Variants in AHDC1 observed in about 807,000 individuals in gnomAD.
AHDC1 encodes the protein transcription factor Gibbin.
Under a neutral mutation model 87.9 loss-of-function variants are expected in AHDC1, and 7 were observed. The ratio of observed to expected loss-of-function variants is 0.08; its 90% CI spans 0.05 to 0.15. The LOEUF is 0.15. AHDC1 is among the 10% of genes least tolerant of loss of function. The pLI, the probability that AHDC1 is intolerant of heterozygous loss-of-function variation, is 1.00. For synonymous variants in AHDC1, 1,051 were observed against 1,006.8 expected (o/e 1.04, Z -0.83); for missense variants, 1,841 against 2,253.2 (o/e 0.82, Z 3.70).
Position 27,547,310 on chromosome 1 carries a change from G to C in AHDC1, c.4806C>G (p.Ser1602=), listed in dbSNP as rs141859369. 1.3e-6 allele frequency: 2 copies of C among 1,540,746 alleles called. No individual in the cohort carries two copies. The highest frequency in any genetic ancestry group is 2.8e-5 in the African/African-American group (2 of 72,306). ...PHPEDTFTVT[S]L is the part of the protein sequence containing the mutation. ...GTCGGCACTTCAGTTGGCACTACAGGGATGTGACGGTGAATGTGTCCTCGG... is the reference window on the plus strand; with the variant it reads ...GTCGGCACTTCAGTTGGCACTACAGCGATGTGACGGTGAATGTGTCCTCGG... Residue 1602 remains serine (S), a synonymous_variant, in exon 8 of 9, where the codon TCC becomes TCG. Transcript: ENST00000673934. This position sits in a 1 kb window ranked among gnomAD's most constrained non-coding sequence, Gnocchi z 4.9.
chr1:27,592,894 C>T (rs929111598), intron 3 of AHDC1, among the ~76,000 whole-genome samples: 6 of 151,038 alleles, frequency 4.0e-5, no homozygotes, highest in Non-Finnish European at 7.4e-5. Context: ...AGGCTTGGGC[C>T]CCTGGCCCAA....
chr1:27,555,780 G>A (rs2019790180), intron 5 of AHDC1, among the ~76,000 whole-genome samples: 1 of 152,022 alleles, frequency 6.6e-6, no homozygotes, highest in African/African-American at 2.4e-5. Context: ...CTCCCAGCTG[G>A]GGCCTGAGGG....
chr1:27,534,609 G>A lies in AHDC1; in HGVS notation c.*351C>T, dbSNP rs1207431175. 1 of 151,016 alleles carries A rather than the reference G, an allele frequency of 6.6e-6. No homozygotes were observed. The highest frequency in any genetic ancestry group is 6.6e-5 in the Admixed American group (1 of 15,160). 9.4% of individuals were successfully genotyped at this position (151,016 alleles called of 1,614,324 possible). ...CTTGCAGGGGCTCTGGACACCTCGG[G>A]GCCCCGCTCGCAACCTCTTGCACAC... On this transcript the variant is annotated 3_prime_UTR_variant, in exon 9 of 9. Coordinates refer to ENST00000673934, the MANE Select transcript of AHDC1 (RefSeq NM_001371928.1).
chr1:27,595,121 C>A lies in AHDC1; in HGVS notation c.-629+8276G>T, dbSNP rs530358368. 6.6e-6 allele frequency among the ~76,000 whole-genome samples: 1 copy of A among 151,988 alleles called. No individual in the cohort carries two copies. The highest frequency in any genetic ancestry group is 1.5e-5 in the Non-Finnish European group (1 of 68,008). ...TGATCTGTTAGAGATATACTAGAAC[C>A]GAAGCCATGTCTGTGTGTTTGAGGC... On this transcript the variant is annotated intron_variant, in intron 3 of 8. Coordinates refer to ENST00000673934, the MANE Select transcript of AHDC1 (RefSeq NM_001371928.1). The surrounding 1 kb of genome is among the most constrained non-coding windows in gnomAD (Gnocchi z 4.0).
chr1:27,577,525 T>G (rs1184528200), intron 3 of AHDC1, among the ~76,000 whole-genome samples: 1 of 150,150 alleles, frequency 6.7e-6, no homozygotes, highest in South Asian at 2.1e-4. Context: ...CATCTGGGGG[T>G]GAGGGGAGAT....
Position 27,550,546 on chromosome 1 carries a change from T to C in AHDC1, c.1570A>G (p.Lys524Glu). 6.2e-7 allele frequency: 1 copy of C among 1,612,684 alleles called. No individual in the cohort carries two copies. Among genetic ancestry groups the C allele is most frequent in the Non-Finnish European group, 8.5e-7 (1 of 1,179,146 alleles). ...SAEPTPLLKM[K>E]NNGRNVVVVF... ...ACTACCACGTTCCGCCCATTGTTCTTCATCTTCAGCAGCGGGGTGGGCTCA... is the reference window on the plus strand; with the variant it reads ...ACTACCACGTTCCGCCCATTGTTCTCCATCTTCAGCAGCGGGGTGGGCTCA... The change falls in exon 8 of 9, where the codon AAG (lysine) becomes GAG (glutamate). Residue 524 changes from lysine (K) to glutamate (E), a missense_variant. Transcript: ENST00000673934.
At chr1:27,581,392 T>C (rs1347884501) in intron 3 of AHDC1, among the ~76,000 whole-genome samples, 1 of 150,482 alleles carries the variant, frequency 6.6e-6, no homozygotes, top group African/African-American at 2.5e-5. Context: ...CATCATCTTC[T>C]CAAAATGGGT....
chr1:27,568,129 G>A (rs1002209674), intron 3 of AHDC1: 1 of 152,232 alleles, frequency 6.6e-6, no homozygotes, highest in Admixed American at 6.5e-5. Flanking sequence ...GGTGAGAAGG[G>A]CCCGATAGTA....
intron 8 of AHDC1, among the ~76,000 whole-genome samples, chr1:27,541,381 C>T (rs995705795): frequency 5.4e-5 from 8 of 149,426 alleles, no homozygotes; most frequent in South Asian, 2.1e-4. Flanking sequence ...TGCAGTGGTA[C>T]GATCGTAGTT....
intron 8 of AHDC1, among the ~76,000 whole-genome samples, chr1:27,544,696 C>G (rs2019086031): frequency 6.6e-6 from 1 of 152,202 alleles, no homozygotes; most frequent in Non-Finnish European, 1.5e-5. Flanking sequence ...TGATCATCCC[C>G]TGGCACTGGG....
chr1:27,575,530 G>A (rs1273341231), intron 3 of AHDC1, among the ~76,000 whole-genome samples: 3 of 152,034 alleles, frequency 2.0e-5, no homozygotes, highest in East Asian at 1.9e-4. Flanking sequence ...TGCCCGAGCT[G>A]CGCGCTTAGC....
At position 27,548,223 on chromosome 1, in the gene AHDC1, T is replaced by C; in HGVS notation, c.3893A>G (p.Lys1298Arg). ...GAACAGTGGGTTGACTGGCTGTGGC[T>C]TGGGGATGAACTTGGCTTTGGCCGC... Reference protein sequence around the residue: ...GAAAKAKFIPKPQPVNPLFQD... With the variant: ...GAAAKAKFIPRPQPVNPLFQD... The change falls in exon 8 of 9, where the codon AAG becomes AGG. Residue 1298 changes from lysine to arginine, a missense_variant. Lys to Arg is a conservative substitution (Grantham distance 26). Transcript: ENST00000673934. 1 of 1,613,324 alleles carries C rather than the reference T, an allele frequency of 6.2e-7. No homozygotes were observed. The highest frequency in any genetic ancestry group is 8.5e-7 in the Non-Finnish European group (1 of 1,179,922).
At chr1:27,554,676 C>T (rs909305346) in intron 5 of AHDC1, among the ~76,000 whole-genome samples, 1 of 152,158 alleles carries the variant, frequency 6.6e-6, no homozygotes, top group African/African-American at 2.4e-5. Context: ...TTGTTCACTG[C>T]CTAATGTTTG....
intron 3 of AHDC1, among the ~76,000 whole-genome samples, chr1:27,603,143 A>ACCCCCCCCCCCCCCCCCCCCCCCCC (rs1156376060): frequency 3.6e-5 from 4 of 110,424 alleles, no homozygotes; most frequent in Non-Finnish European, 5.9e-5. Context: ...AAACCCGAGA[A>ACCCCCCCCCCCCCCCCCCCCCCCCC]CCCCCCCTCC....
At position 27,558,714 on chromosome 1, in the gene AHDC1, G is replaced by A. The variant is rs1174744334; in HGVS notation, c.-459C>T. 2.5e-6 allele frequency: 1 copy of A among 398,664 alleles called. No homozygotes were observed. The allele number at this position is 398,664 out of a possible 1,614,324, so 24.7% of individuals were successfully genotyped here. On this transcript the variant is annotated 5_prime_UTR_variant, in exon 4 of 9. Coordinates refer to ENST00000673934, the MANE Select transcript of AHDC1 (RefSeq NM_001371928.1). This position sits in a 1 kb window ranked among gnomAD's most constrained non-coding sequence, Gnocchi z 5.6. ...TCCCTGCACACTGTTACCTGAGCAG[G>A]CTGCGAAGATAGGCTGGGCTCAGCA...
chr1:27,571,524 C>G lies in AHDC1; in HGVS notation c.-628-12641G>C, dbSNP rs577507178. ...GGCCCCCTCGGCCCACAGCCCTCCC[C>G]CCAGGCTCTGGAATCTCGGGGGTCA... On this transcript the variant is annotated intron_variant, in intron 3 of 8. Transcript: ENST00000673934. Among the ~76,000 whole-genome samples the G allele has an allele frequency of 2.6e-5, 4 of 152,252 alleles. No homozygotes were observed. The East Asian group carries it at 7.7e-4, about 29-fold the overall frequency.
rs934675113 is a variant in AHDC1, at chr1:27,549,946, G to A, written c.2170C>T (p.Arg724Cys). The change falls in exon 8 of 9, where the codon CGC (arginine) becomes TGC (cysteine). Residue 724 changes from arginine to cysteine, a missense_variant. Around this residue, in one of 13 missense-constraint regions of AHDC1, gnomAD observed 236 missense variants for 257.9 expected, o/e 0.92. Coordinates refer to ENST00000673934, the MANE Select transcript of AHDC1 (RefSeq NM_001371928.1). ...TCTACCTCCCCCCGGCCCCGTTTGCGTGGGTGCCCCAACTCAGTAAGGCCC... is the reference window on the plus strand; with the variant it reads ...TCTACCTCCCCCCGGCCCCGTTTGCATGGGTGCCCCAACTCAGTAAGGCCC... ...GPGLTELGHPRKRGRGEVDAV... is the reference protein window; with the variant it reads ...GPGLTELGHPCKRGRGEVDAV... 4 of 1,612,814 alleles carry A rather than the reference G, an allele frequency of 2.5e-6. No individual in the cohort carries two copies. Among genetic ancestry groups the A allele is most frequent in the Admixed American group, 1.7e-5 (1 of 59,896 alleles).
chr1:27,548,308 G>A lies in AHDC1; in HGVS notation c.3808C>T (p.Gln1270Ter). 1 of 1,606,262 alleles carries A rather than the reference G, an allele frequency of 6.2e-7. No homozygotes were observed. Among genetic ancestry groups the A allele is most frequent in the Non-Finnish European group, 8.5e-7 (1 of 1,175,206 alleles). The change falls in exon 8 of 9, where the codon CAG becomes TAG. Residue 1270 changes from glutamine to a stop codon, truncating the protein, a stop_gained. Coordinates refer to ENST00000673934, the MANE Select transcript of AHDC1 (RefSeq NM_001371928.1). LOFTEE classifies it high-confidence loss of function. The part of the protein sequence containing the change: ...YPSKRSTGPR[Q>*]PRGGRGGGAC... Reference sequence around the variant, plus strand: ...CCACCGCCCCGTCCACCTCGCGGCTGCCGGGGCCCAGTGCTCCGTTTGGAT... The same window carrying A: ...CCACCGCCCCGTCCACCTCGCGGCTACCGGGGCCCAGTGCTCCGTTTGGAT...
rs559351587 is a variant in AHDC1 at position 27,571,613 on chromosome 1, G to T, written c.-628-12730C>A. On this transcript the variant is annotated intron_variant, in intron 3 of 8. Transcript: ENST00000673934. ...TCAGGAATTCCACCAGCCAAGGAGG[G>T]GGGGGTGGCTGCTTCGGCCTCAGTC... Among the ~76,000 whole-genome samples the T allele has an allele frequency of 1.4e-4, 22 of 152,248 alleles. No homozygotes were observed. The South Asian group carries it at 1.4e-3, about 10-fold the overall frequency.
Sources: gnomAD v4.1 joint callset for allele counts (sites outside exome capture counted in the v4.1 genomes callset) on GRCh38, gnomAD v4.1.1 for gene constraint, gnomAD v4.1.1 regional missense constraint, Gnocchi (gnomAD v3.1) non-coding constraint, MANE v1.5 for transcripts, NCBI Gene and HGNC (gene_info 2026-07-23, HGNC 2026-07-21) for gene names.